FBLN2: variants seen among roughly 807,000 people sequenced by gnomAD.
FBLN2 encodes the protein fibulin-2.
In FBLN2, 81 loss-of-function variants were observed where a neutral mutation model predicts 123.7. The observed-to-expected ratio is 0.65, with a 90% CI of 0.55 to 0.79. The LOEUF (loss-of-function observed/expected upper bound fraction) is 0.79. FBLN2 is among the 30% of genes least tolerant of loss of function. FBLN2 has a pLI of 0.00. For synonymous variants in FBLN2, 699 were observed against 701.4 expected (o/e 1.00, Z 0.05); for missense variants, 1,603 against 1,681.3 (o/e 0.95, Z 0.81).
At chr3:13,612,734 CA>C (rs1377379258) in intron 4 of FBLN2, among the ~76,000 whole-genome samples, 1 of 152,088 alleles carries the variant, frequency 6.6e-6, no homozygotes, top group Non-Finnish European at 1.5e-5. Flanking sequence ...GATAATAATC[CA>C]TGTCTTTTTG....
At chr3:13,556,590 G>GT (rs1311514522) in intron 1 of FBLN2, among the ~76,000 whole-genome samples, 1 of 152,234 alleles carries the variant, frequency 6.6e-6, no homozygotes, top group Non-Finnish European at 1.5e-5. Context: ...TGGAAACACT[G>GT]TAACACCAGC....
Position 13,619,802 on chromosome 3 carries a change from C to T in FBLN2, c.2126C>T (p.Ala709Val), listed in dbSNP as rs752155970. Reference protein sequence around the residue: ...SAICSCFPGYAIMADGVSCED... With the variant: ...SAICSCFPGYVIMADGVSCED... ...ATATGCTCCTGTTTTCCCGGCTATG[C>T]CATCATGGCGGATGGCGTGTCCTGT... The change falls in exon 8 of 18, where the codon GCC becomes GTC. Residue 709 changes from alanine to valine, a missense_variant. By Grantham distance (64) the Ala-to-Val change is moderately conservative (BLOSUM62 0). Coordinates refer to ENST00000404922, the MANE Select transcript of FBLN2 (RefSeq NM_001004019.2). 13 of 1,612,634 alleles carry T rather than the reference C, an allele frequency of 8.1e-6. No homozygotes were observed. In the East Asian group the frequency reaches 2.5e-4, roughly 30 times the overall value.
intron 11 of FBLN2, among the ~76,000 whole-genome samples, chr3:13,628,476 C>T (rs549470198): frequency 3.3e-5 from 5 of 152,252 alleles, no homozygotes; most frequent in Non-Finnish European, 7.4e-5. Context: ...TTACAGATGC[C>T]GGCCTAGTCC....
chr3:13,564,099 A>G (rs748170279), intron 1 of FBLN2, among the ~76,000 whole-genome samples: 7 of 152,196 alleles, frequency 4.6e-5, no homozygotes, highest in African/African-American at 9.7e-5. Context: ...CTAATTATCA[A>G]TGAGTAATAT....
At chr3:13,554,199 G>A (rs1040961164) in intron 1 of FBLN2, among the ~76,000 whole-genome samples, 4 of 152,228 alleles carry the variant, frequency 2.6e-5, no homozygotes, top group South Asian at 2.1e-4. Flanking sequence ...GCTGCTGGCC[G>A]TAGCTGGTTC....
chr3:13,616,648 G>A (rs760950697), intron 5 of FBLN2, among the ~76,000 whole-genome samples: 1 of 152,212 alleles, frequency 6.6e-6, no homozygotes, highest in South Asian at 2.1e-4. Context: ...CTGCTGCCTG[G>A]GTGGGGTGGG....
Position 13,570,719 on chromosome 3 carries a change from A to G in FBLN2, c.364A>G (p.Ile122Val). 1 of 1,599,778 alleles carries G rather than the reference A, an allele frequency of 6.3e-7. No individual in the cohort carries two copies. Among genetic ancestry groups the G allele is most frequent in the African/African-American group, 1.3e-5 (1 of 74,828 alleles). The stretch of plus-strand genomic sequence containing the variant: ...GTGCCCGGAGCTGCCGCCCAACTGC[A>G]TCGAGGCTGTAGTGGTGGCTGACAG... ...MLCPELPPNC[I>V]EAVVVADSCP... The change falls in exon 2 of 18, where the codon ATC (isoleucine) becomes GTC (valine). Residue 122 changes from isoleucine (I) to valine (V), a missense_variant. Coordinates refer to ENST00000404922, the MANE Select transcript of FBLN2 (RefSeq NM_001004019.2).
chr3:13,566,185 T>G (rs1351445429), intron 1 of FBLN2, among the ~76,000 whole-genome samples: 1 of 152,120 alleles, frequency 6.6e-6, no homozygotes, highest in Non-Finnish European at 1.5e-5. Flanking sequence ...TCCAGGGGCT[T>G]CTTTTTTCAG....
At chr3:13,580,032 T>C (rs4684147) in intron 2 of FBLN2, among the ~76,000 whole-genome samples, 111,198 of 152,158 alleles carry the variant, frequency 0.73, 42,126 homozygotes, top group East Asian at 0.99. Context: ...TATAAATGAA[T>C]GACCGTGCCA....
Position 13,618,943 on chromosome 3 carries a change from C to T in FBLN2, c.1979C>T (p.Ala660Val). ...PPQPEAPQEP[A>V]LKSEFSQVAS... Reference sequence around the variant, plus strand: ...CAGCCGGAAGCCCCACAGGAGCCTGCACTGAAGTCAGAATTTTCCCAGGTG... The same window carrying T: ...CAGCCGGAAGCCCCACAGGAGCCTGTACTGAAGTCAGAATTTTCCCAGGTG... The change falls in exon 7 of 18, where the codon GCA (alanine) becomes GTA (valine). Residue 660 changes from alanine to valine, a missense_variant. Transcript: ENST00000404922. The T allele has an allele frequency of 1.2e-6, 2 of 1,613,506 alleles. No homozygotes were observed. The highest frequency in any genetic ancestry group is 1.7e-6 in the Non-Finnish European group (2 of 1,179,774).
chr3:13,551,094 C>CA (rs1703310343), intron 1 of FBLN2, among the ~76,000 whole-genome samples: 1 of 152,210 alleles, frequency 6.6e-6, no homozygotes, highest in Non-Finnish European at 1.5e-5. Context: ...CCTCTCATGC[C>CA]TTCTCAGCTC....
At chr3:13,630,864 C>A in intron 15 of FBLN2, 49 bp downstream of exon 15, 1 of 1,423,272 alleles carries the variant, frequency 7.0e-7, no homozygotes, top group Non-Finnish European at 9.7e-7. Flanking sequence ...CACTCCTTTC[C>A]CTTGTGCCAG....
At chr3:13,589,153 AG>A (rs1300311297) in intron 2 of FBLN2, among the ~76,000 whole-genome samples, 1 of 152,208 alleles carries the variant, frequency 6.6e-6, no homozygotes, top group Non-Finnish European at 1.5e-5. Context: ...CTCCTGAATC[AG>A]GGCAGGCCAG....
rs373409452 is a variant in FBLN2, at chr3:13,618,912, C to G, written c.1948C>G (p.Pro650Ala). Residue 650 changes from proline (P) to alanine (A), a missense_variant, in exon 7 of 18, where the codon CCT (proline) becomes GCT (alanine). Coordinates refer to ENST00000404922, the MANE Select transcript of FBLN2 (RefSeq NM_001004019.2). ...DGRTCRPEGH[P>A]PQPEAPQEPA... ...TGCTCTACCCATGACAGAGGGTCAC[C>G]CTCCACAGCCGGAAGCCCCACAGGA... The G allele has an allele frequency of 1.3e-5, 21 of 1,612,410 alleles. No homozygotes were observed. The African/African-American group carries it at 1.7e-4, about 13-fold the overall frequency.
chr3:13,554,914 T>A (rs892507806), intron 1 of FBLN2, among the ~76,000 whole-genome samples: 3 of 151,894 alleles, frequency 2.0e-5, no homozygotes, highest in Admixed American at 6.6e-5. Flanking sequence ...AATGTTATTT[T>A]AAAAAATCCC....
Position 13,616,454 on chromosome 3 carries a change from T to C in FBLN2, c.1730-1622T>C, listed in dbSNP as rs377450125. On this transcript the variant is annotated intron_variant, in intron 5 of 17. Coordinates refer to ENST00000404922, the MANE Select transcript of FBLN2 (RefSeq NM_001004019.2). ...GCCTGTGGTGTGCTAGGAGGAGCCC[T>C]GGGTCCAGGTCTGTCCGCCGCCTGC... Among the ~76,000 whole-genome samples, 40 of 152,308 alleles carry C rather than the reference T, an allele frequency of 2.6e-4. No individual in the cohort carries two copies. The East Asian group carries it at 7.5e-3, about 29-fold the overall frequency.
chr3:13,569,361 G>A (rs1032983577), intron 1 of FBLN2, among the ~76,000 whole-genome samples: 12 of 152,094 alleles, frequency 7.9e-5, no homozygotes, highest in Non-Finnish European at 1.8e-4. Context: ...GTGGCATGTC[G>A]GGGCCAGCTG....
chr3:13,618,012 T>G, intron 5 of FBLN2, 64 bp from the exon 6 acceptor site: 4 of 1,482,440 alleles, frequency 2.7e-6, no homozygotes, highest in Non-Finnish European at 3.7e-6. Flanking sequence ...TTCCCAAAGC[T>G]GGTTGTCTCA....
intron 1 of FBLN2, among the ~76,000 whole-genome samples, chr3:13,563,095 G>A (rs1000245817): frequency 5.3e-5 from 8 of 152,292 alleles, no homozygotes; most frequent in African/African-American, 1.4e-4. Flanking sequence ...ACTTGGATGC[G>A]CAAATATTAT....
Sources: gnomAD v4.1 joint callset for allele counts (sites outside exome capture counted in the v4.1 genomes callset) on GRCh38, gnomAD v4.1.1 for gene constraint, MANE v1.5 for transcripts, NCBI Gene and HGNC (gene_info 2026-07-23, HGNC 2026-07-21) for gene names.